Variants in TMEM132B observed in about 807,000 individuals in gnomAD.
The protein encoded by TMEM132B is transmembrane protein 132B.
In TMEM132B, 18 loss-of-function variants were observed where a neutral mutation model predicts 90.8. That is an observed-to-expected ratio of 0.20 (90% CI 0.14 to 0.29). The LOEUF is 0.29. TMEM132B is among the 10% of genes least tolerant of loss of function. TMEM132B has a pLI of 1.00. For synonymous variants in TMEM132B, 504 were observed against 523.3 expected (o/e 0.96, Z 0.50); for missense variants, 1,096 against 1,326.8 (o/e 0.83, Z 2.70).
At chr12:125,234,681 G>A (rs967334928) in intron 1 of TMEM132B, among the ~76,000 whole-genome samples, 13 of 152,152 alleles carry the variant, frequency 8.5e-5, no homozygotes, top group Admixed American at 3.3e-4. Flanking sequence ...GATGTCCTCT[G>A]TTCAAGATGG....
intron 4 of TMEM132B, among the ~76,000 whole-genome samples, chr12:125,571,813 C>T (rs1015469957): frequency 6.6e-6 from 1 of 152,144 alleles, no homozygotes; most frequent in Admixed American, 6.5e-5. Context: ...AAAACTCTTA[C>T]GTAAGTAGAG....
chr12:125,204,469 A>G (rs113685900), intron 1 of TMEM132B, among the ~76,000 whole-genome samples: 2 of 105,618 alleles, frequency 1.9e-5, no homozygotes, highest in Admixed American at 1.0e-4. Context: ...TTAGCTCTTT[A>G]TGTGGAGTAT....
chr12:125,372,845 C>T (rs551316168), intron 2 of TMEM132B, among the ~76,000 whole-genome samples: 1 of 152,298 alleles, frequency 6.6e-6, no homozygotes, highest in East Asian at 1.9e-4. Flanking sequence ...GCCACACACA[C>T]CGTCTTTTCT....
At chr12:125,312,289 GC>G (rs1876142173) in intron 1 of TMEM132B, among the ~76,000 whole-genome samples, 1 of 152,226 alleles carries the variant, frequency 6.6e-6, no homozygotes, top group East Asian at 1.9e-4. Flanking sequence ...TCGTTGCCCA[GC>G]AGGCGCTCCT....
chr12:125,406,612 G>T lies in TMEM132B; in HGVS notation c.960-8919G>T, dbSNP rs993789682. On this transcript the variant is annotated intron_variant, in intron 2 of 8. Transcript: ENST00000682704. The surrounding 1 kb of genome is among the most constrained non-coding windows in gnomAD (Gnocchi z 8.3). ...CGGAGGACTGGGTGGATGATATGGG[G>T]TATAAAAATATTTCACAGTCTTGAT... Among the ~76,000 whole-genome samples the T allele has an allele frequency of 1.3e-5, 2 of 152,156 alleles. No homozygotes were observed. The highest frequency in any genetic ancestry group is 4.8e-5 in the African/African-American group (2 of 41,438).
At chr12:125,230,585 A>G (rs1873794681) in intron 1 of TMEM132B, among the ~76,000 whole-genome samples, 1 of 151,266 alleles carries the variant, frequency 6.6e-6, no homozygotes, top group Admixed American at 6.6e-5. Context: ...GGTTCATGCC[A>G]TTCTCTTGCC....
chr12:125,546,298 T>G (rs1306940066), intron 4 of TMEM132B, among the ~76,000 whole-genome samples: 1 of 152,142 alleles, frequency 6.6e-6, no homozygotes. Context: ...TTCTCCTGCC[T>G]TAGCCTCCCA....
At chr12:125,509,990 T>G (rs1882939577) in intron 3 of TMEM132B, among the ~76,000 whole-genome samples, 1 of 152,214 alleles carries the variant, frequency 6.6e-6, no homozygotes, top group African/African-American at 2.4e-5. Flanking sequence ...TCCTCCAGGT[T>G]GGTAATAGAA....
chr12:125,323,118 C>T (rs1450048707), intron 1 of TMEM132B, among the ~76,000 whole-genome samples: 1 of 152,164 alleles, frequency 6.6e-6, no homozygotes, highest in African/African-American at 2.4e-5. Flanking sequence ...TGGACACTGG[C>T]TTGGTTCTAG....
At chr12:125,416,019 G>A (rs572645429) in intron 3 of TMEM132B, among the ~76,000 whole-genome samples, 24 of 152,272 alleles carry the variant, frequency 1.6e-4, no homozygotes, top group Middle Eastern at 6.8e-3. Context: ...TTGGACATTC[G>A]TCCCTTAGTG....
chr12:125,481,284 G>A (rs867226470), intron 3 of TMEM132B, among the ~76,000 whole-genome samples: 20 of 152,206 alleles, frequency 1.3e-4, no homozygotes, highest in African/African-American at 4.3e-4. Context: ...AGAAAGAAAG[G>A]GTATTCAATT....
chr12:125,189,293 C>T (rs115424972), intron 1 of TMEM132B, among the ~76,000 whole-genome samples: 1 of 151,934 alleles, frequency 6.6e-6, no homozygotes, highest in African/African-American at 2.4e-5. Flanking sequence ...TGCAAATTAG[C>T]GGTGCAGTTA....
intron 5 of TMEM132B, among the ~76,000 whole-genome samples, chr12:125,609,667 A>T (rs1486480875): frequency 1.3e-5 from 2 of 151,402 alleles, no homozygotes; most frequent in Non-Finnish European, 2.9e-5. Flanking sequence ...AATATAAAAA[A>T]TTAGCCGGGC....
At chr12:125,605,300 C>T (rs932284912) in intron 5 of TMEM132B, among the ~76,000 whole-genome samples, 1 of 152,192 alleles carries the variant, frequency 6.6e-6, no homozygotes, top group Non-Finnish European at 1.5e-5. Context: ...GGGACACATT[C>T]CCTTGGTACT....
In TMEM132B at chr12:125,241,717, G is replaced by A. The variant is rs570985241; in HGVS notation, c.67+54851G>A. ...GGTCTCCAGGGCCATGAGAAAATAC[G>A]TTTCTGCTGCTAGAAGCCGTCCAGT... On this transcript the variant is annotated intron_variant, in intron 1 of 8. Coordinates refer to ENST00000682704, the MANE Select transcript of TMEM132B (RefSeq NM_001366854.1). Among the ~76,000 whole-genome samples, 7 of 152,292 alleles carry A rather than the reference G, an allele frequency of 4.6e-5. No individual in the cohort carries two copies. The East Asian group carries it at 1.3e-3, about 29-fold the overall frequency.
rs1392664131 is a variant in TMEM132B, at chr12:125,459,093, A to C, written c.1106+43416A>C. Among the ~76,000 whole-genome samples, 1 of 152,194 alleles carries C rather than the reference A, an allele frequency of 6.6e-6. No homozygotes were observed. Among genetic ancestry groups the C allele is most frequent in the Admixed American group, 6.5e-5 (1 of 15,278 alleles). On this transcript the variant is annotated intron_variant, in intron 3 of 8. Transcript: ENST00000682704. The surrounding 1 kb of genome is among the most constrained non-coding windows in gnomAD (Gnocchi z 4.1). ...AGCACCCCCGTCCATCTTATGCCTG[A>C]GTGGAGCCAACGAGGCCCCTGAGGC... is the stretch of plus-strand genomic sequence containing the variant.
intron 2 of TMEM132B, among the ~76,000 whole-genome samples, chr12:125,389,139 A>G (rs1037262877): frequency 6.6e-6 from 1 of 152,194 alleles, no homozygotes; most frequent in African/African-American, 2.4e-5. Context: ...AGTCCTCAGG[A>G]AGCTTGTATT....
rs569224810 is a variant in TMEM132B, at chr12:125,359,986, G to A, written c.959+9643G>A. ...CCAGCTACTTGGGAGGCTGAGGCAG[G>A]AGAATCACTTGAACCCAGGAGGTGG... On this transcript the variant is annotated intron_variant, in intron 2 of 8. Coordinates refer to ENST00000682704, the MANE Select transcript of TMEM132B (RefSeq NM_001366854.1). 6.6e-5 allele frequency among the ~76,000 whole-genome samples: 10 copies of A among 152,318 alleles called. No homozygotes were observed. The South Asian group carries it at 2.1e-3, about 32-fold the overall frequency.
At chr12:125,379,135 A>G (rs1425789325) in intron 2 of TMEM132B, among the ~76,000 whole-genome samples, 1 of 152,226 alleles carries the variant, frequency 6.6e-6, no homozygotes, top group East Asian at 1.9e-4. Context: ...TTTGGTAGGC[A>G]GAATAATAAT....
Sources: allele counts gnomAD v4.1 joint callset (sites outside exome capture counted in the v4.1 genomes callset), GRCh38; gene constraint gnomAD v4.1.1; non-coding constraint Gnocchi (gnomAD v3.1); transcripts MANE v1.5; gene names NCBI Gene and HGNC (gene_info 2026-07-23, HGNC 2026-07-21).